Variants in FHIT observed in about 807,000 individuals in gnomAD.
FHIT encodes fragile histidine triad diadenosine triphosphatase.
In FHIT, 19 loss-of-function variants were observed where a neutral mutation model predicts 17.9. That is an observed-to-expected ratio of 1.06 (90% CI 0.74 to 1.56). FHIT has a LOEUF of 1.56. Among genes scored for constraint, FHIT ranks in the 40% most tolerant of loss-of-function variants. The pLI, the probability that FHIT is intolerant of heterozygous loss-of-function variation, is 0.00. For missense variants in FHIT, 248 were observed against 189.2 expected, an observed-to-expected ratio of 1.31 and a Z score of -1.82; for synonymous variants, 81 against 69.7, an observed-to-expected ratio of 1.16 and a Z score of -0.81.
intron 3 of FHIT, among the ~76,000 whole-genome samples, chr3:61,033,539 T>G (rs2033106132): frequency 6.6e-6 from 1 of 152,254 alleles, no homozygotes; most frequent in African/African-American, 2.4e-5. Flanking sequence ...TGTTTCTTTT[T>G]ACTCCTTGTA....
At chr3:60,561,422 T>A (rs549397508) in intron 4 of FHIT, among the ~76,000 whole-genome samples, 1 of 152,006 alleles carries the variant, frequency 6.6e-6, no homozygotes, top group Non-Finnish European at 1.5e-5. Context: ...AAGTCGCTAT[T>A]GATAGAATAA....
intron 5 of FHIT, among the ~76,000 whole-genome samples, chr3:60,441,792 A>G (rs375873252): frequency 0.081 from 1,041 of 12,818 alleles, 132 homozygotes; most frequent in African/African-American, 0.15. Flanking sequence ...AAATATATAT[A>G]TATATATATA....
chr3:60,399,188 TATC>T (rs1245671760), intron 5 of FHIT, among the ~76,000 whole-genome samples: 15 of 152,296 alleles, frequency 9.8e-5, no homozygotes, highest in Admixed American at 6.5e-4. Flanking sequence ...AGTTTCCTCT[TATC>T]ATCATATCTG....
intron 2 of FHIT, among the ~76,000 whole-genome samples, chr3:61,052,877 A>G (rs1390286496): frequency 6.6e-6 from 1 of 152,076 alleles, no homozygotes; most frequent in East Asian, 1.9e-4. Flanking sequence ...GATGACTTTT[A>G]GCATTTTCTT....
chr3:61,060,574 C>T (rs1161682616), intron 2 of FHIT, among the ~76,000 whole-genome samples: 1 of 152,224 alleles, frequency 6.6e-6, no homozygotes, highest in Non-Finnish European at 1.5e-5. Context: ...GTGTGTACTC[C>T]TCATTAAGTA....
intron 5 of FHIT, among the ~76,000 whole-genome samples, chr3:60,445,317 T>G (rs768255300): frequency 6.6e-6 from 1 of 152,062 alleles, no homozygotes; most frequent in Non-Finnish European, 1.5e-5. Context: ...TCCAAAGCAC[T>G]CAGGGTAACC....
At chr3:59,939,519 G>T (rs539366486) in intron 7 of FHIT, among the ~76,000 whole-genome samples, 22 of 152,158 alleles carry the variant, frequency 1.4e-4, no homozygotes, top group Non-Finnish European at 3.1e-4. Flanking sequence ...GTGAGGTGAG[G>T]TGAATAGTTT....
chr3:60,578,094 G>C (rs963412104), intron 4 of FHIT, among the ~76,000 whole-genome samples: 1 of 151,976 alleles, frequency 6.6e-6, no homozygotes, highest in Non-Finnish European at 1.5e-5. Context: ...ACAGCACAAG[G>C]AACAGACATT....
In FHIT at chr3:59,872,738, G is replaced by A. The variant is rs73839555; in HGVS notation, c.348+49608C>T. Among the ~76,000 whole-genome samples, 1,029 of 152,320 alleles carry A rather than the reference G, an allele frequency of 6.8e-3. 12 individuals carry two copies. Among genetic ancestry groups the A allele is most frequent in the African/African-American group, 0.024 (987 of 41,560 alleles). On this transcript the variant is annotated intron_variant, in intron 8 of 9. Coordinates refer to ENST00000492590, the MANE Select transcript of FHIT (RefSeq NM_002012.4). ...TAACCCTTTATCCTATAGCTGTAGTGATGATGACATGATAAGCTGTGTAGC... is the reference window on the plus strand; with the variant it reads ...TAACCCTTTATCCTATAGCTGTAGTAATGATGACATGATAAGCTGTGTAGC...
intron 8 of FHIT, among the ~76,000 whole-genome samples, chr3:59,851,727 C>G (rs1701945686): frequency 6.6e-6 from 1 of 152,170 alleles, no homozygotes; most frequent in South Asian, 2.1e-4. Flanking sequence ...AGTTGCCATT[C>G]CCACTAGAAT....
intron 8 of FHIT, among the ~76,000 whole-genome samples, chr3:59,757,999 A>G (rs2106765941): frequency 6.6e-6 from 1 of 152,308 alleles, no homozygotes; most frequent in East Asian, 1.9e-4. Context: ...ACCATGCAAT[A>G]AGGCAGACAG....
In FHIT at chr3:60,013,889, T is replaced by C. The variant is rs372382583; in HGVS notation, c.249+118A>G. ...TGCATTAGAAATCTCTTTTTTTGGC[T>C]GCTACCTAAAATACAAACAATCACA... On this transcript the variant is annotated intron_variant, in intron 6 of 9. Transcript: ENST00000492590. 5.4e-5 allele frequency: 58 copies of C among 1,068,610 alleles called. 1 individual carries two copies. In the African/African-American group the frequency reaches 8.2e-4, roughly 15 times the overall value. 66.2% of individuals were successfully genotyped at this position (1,068,610 alleles called of 1,614,324 possible). A position where few individuals can be genotyped will look rare whatever the true frequency, so the allele number is the denominator to read the frequency against.
chr3:60,652,431 A>G lies in FHIT; in HGVS notation c.-17-115452T>C, dbSNP rs555761113. Among the ~76,000 whole-genome samples the G allele has an allele frequency of 3.8e-3, 573 of 152,112 alleles. 2 individuals carry two copies. Among genetic ancestry groups the G allele is most frequent in the Non-Finnish European group, 6.1e-3 (413 of 67,976 alleles). The stretch of plus-strand genomic sequence containing the variant: ...AGCCTGGTCAACACGGTGAAATCCC[A>G]TCTCTACTAAAATACAAAAAGTAGG... On this transcript the variant is annotated intron_variant, in intron 4 of 9. Transcript: ENST00000492590.
chr3:60,695,723 G>A (rs1335889367), intron 4 of FHIT, among the ~76,000 whole-genome samples: 1 of 152,202 alleles, frequency 6.6e-6, no homozygotes, highest in Admixed American at 6.5e-5. Flanking sequence ...GGTAAGAACA[G>A]GGACGCTGGG....
chr3:59,797,462 C>T (rs1699822839), intron 8 of FHIT, among the ~76,000 whole-genome samples: 1 of 152,182 alleles, frequency 6.6e-6, no homozygotes, highest in Non-Finnish European at 1.5e-5. Context: ...GTTGGGATTA[C>T]AGGTTTGAGC....
intron 4 of FHIT, among the ~76,000 whole-genome samples, chr3:60,696,429 A>C (rs980917664): frequency 5.3e-5 from 8 of 152,334 alleles, no homozygotes; most frequent in Admixed American, 4.6e-4. Context: ...AATGAATAAT[A>C]AATCACCCCT....
chr3:61,045,808 G>A (rs2033757941), intron 2 of FHIT, among the ~76,000 whole-genome samples: 2 of 152,098 alleles, frequency 1.3e-5, no homozygotes, highest in Non-Finnish European at 2.9e-5. Flanking sequence ...CACAGTGCAA[G>A]CAAACTAGAA....
intron 3 of FHIT, among the ~76,000 whole-genome samples, chr3:60,854,332 G>A (rs1553749268): frequency 6.6e-6 from 1 of 152,048 alleles, no homozygotes; most frequent in Non-Finnish European, 1.5e-5. Flanking sequence ...CTTATTCAGT[G>A]TTTTTAGCTT....
At chr3:60,989,789 C>A (rs1006342007) in intron 3 of FHIT, among the ~76,000 whole-genome samples, 1 of 152,146 alleles carries the variant, frequency 6.6e-6, no homozygotes, top group African/African-American at 2.4e-5. Flanking sequence ...AATGCATTAT[C>A]CCTGGGCAGT....
Sources: allele counts gnomAD v4.1 joint callset (sites outside exome capture counted in the v4.1 genomes callset), GRCh38; gene constraint gnomAD v4.1.1; transcripts MANE v1.5; gene names NCBI Gene and HGNC (gene_info 2026-07-23, HGNC 2026-07-21).